Variants in RSPO2 observed in about 807,000 individuals in gnomAD.
RSPO2 encodes R-spondin 2.
Under a neutral mutation model 30.9 loss-of-function variants are expected in RSPO2, and 14 were observed. That is an observed-to-expected ratio of 0.45 (90% CI 0.30 to 0.71). The LOEUF is 0.71. RSPO2 is among the 30% of genes least tolerant of loss of function. The pLI is 0.08. For synonymous variants in RSPO2, 107 were observed against 96.4 expected (o/e 1.11, Z -0.64); for missense variants, 264 against 301.9 (o/e 0.87, Z 0.93).
At chr8:107,977,253 A>T (rs1814248681) in intron 3 of RSPO2, among the ~76,000 whole-genome samples, 1 of 152,230 alleles carries the variant, frequency 6.6e-6, no homozygotes, top group Non-Finnish European at 1.5e-5. Flanking sequence ...ATAACTAGTG[A>T]CATAATTATT....
At chr8:108,068,202 T>G (rs1812731598) in intron 2 of RSPO2, among the ~76,000 whole-genome samples, 1 of 152,188 alleles carries the variant, frequency 6.6e-6, no homozygotes, top group Non-Finnish European at 1.5e-5. Context: ...AATAAAGAGG[T>G]GACTCTGAGT....
rs1337639104 is a variant in RSPO2, at chr8:107,901,128, T to C, written c.679A>G (p.Arg227Gly). Residue 227 changes from arginine (R) to glycine (G), a missense_variant, in exon 6 of 6, where the codon AGG becomes GGG. Physicochemically the swap from Arg to Gly is moderately radical, Grantham distance 125 (BLOSUM62 -2). Transcript: ENST00000276659. ...NKKKKRKLIE[R>G]AQEQHSVFLA... Reference sequence around the variant, plus strand: ...AAGACGCTGTGTTGCTCCTGGGCCCTTTCTATCAGCTTCCTTTTCTTTTTC... The same window carrying C: ...AAGACGCTGTGTTGCTCCTGGGCCCCTTCTATCAGCTTCCTTTTCTTTTTC... 1.5e-5 allele frequency: 25 copies of C among 1,614,028 alleles called. No individual in the cohort carries two copies. The highest frequency in any genetic ancestry group is 2.0e-5 in the Non-Finnish European group (24 of 1,179,996).
intron 2 of RSPO2, among the ~76,000 whole-genome samples, chr8:108,006,723 T>C (rs1456973070): frequency 6.6e-6 from 1 of 152,174 alleles, no homozygotes; most frequent in East Asian, 1.9e-4. Context: ...GACACCGGGA[T>C]TGTAAACACT....
chr8:107,905,706 A>AACATGAAATGCTCCT (rs1266794881), intron 5 of RSPO2, among the ~76,000 whole-genome samples: 2 of 152,014 alleles, frequency 1.3e-5, no homozygotes, highest in African/African-American at 4.8e-5. Flanking sequence ...CTGGAAGCAG[A>AACATGAAATGCTCCT]ACATGAAATG....
chr8:108,049,402 ATTACT>A (rs936264827), intron 2 of RSPO2, among the ~76,000 whole-genome samples: 1 of 151,710 alleles, frequency 6.6e-6, no homozygotes, highest in Non-Finnish European at 1.5e-5. Flanking sequence ...TTAAAAAAAA[ATTACT>A]TTAGATTCTG....
chr8:107,975,038 A>G (rs546356104), intron 3 of RSPO2, among the ~76,000 whole-genome samples: 1 of 152,360 alleles, frequency 6.6e-6, no homozygotes, highest in South Asian at 2.1e-4. Flanking sequence ...TTCCTATTAA[A>G]TAAAAGAACC....
chr8:107,909,697 C>T (rs1171015003), intron 5 of RSPO2, among the ~76,000 whole-genome samples: 2 of 152,178 alleles, frequency 1.3e-5, no homozygotes, highest in Non-Finnish European at 2.9e-5. Flanking sequence ...AACTCTGAAA[C>T]CCTGTATGAA....
intron 2 of RSPO2, among the ~76,000 whole-genome samples, chr8:108,009,125 A>T (rs547056983): frequency 1.5e-4 from 23 of 152,286 alleles, no homozygotes; most frequent in African/African-American, 5.1e-4. Context: ...AGCATTCAGG[A>T]AATTAACATC....
intron 2 of RSPO2, among the ~76,000 whole-genome samples, chr8:108,076,848 C>T (rs1469114784): frequency 6.6e-6 from 1 of 152,068 alleles, no homozygotes; most frequent in Non-Finnish European, 1.5e-5. Flanking sequence ...GGGTAAAATT[C>T]CCCAAGGAAA....
intron 2 of RSPO2, among the ~76,000 whole-genome samples, chr8:108,058,666 C>T (rs1170964366): frequency 2.0e-5 from 3 of 151,812 alleles, no homozygotes; most frequent in Admixed American, 1.3e-4. Context: ...ATCAATGGAA[C>T]AGAACAGAGC....
chr8:108,059,424 C>T (rs1812373677), intron 2 of RSPO2, among the ~76,000 whole-genome samples: 1 of 151,544 alleles, frequency 6.6e-6, no homozygotes, highest in African/African-American at 2.4e-5. Flanking sequence ...CTAGTTCAAC[C>T]ATTGTGGAAG....
intron 2 of RSPO2, among the ~76,000 whole-genome samples, chr8:108,027,575 T>A (rs1246721251): frequency 4.0e-5 from 6 of 150,476 alleles, no homozygotes; most frequent in Admixed American, 2.0e-4. Context: ...GTATTTATAT[T>A]TTTTTTAAAA....
At chr8:107,917,606 T>TA (rs1812021406) in intron 5 of RSPO2, among the ~76,000 whole-genome samples, 1 of 152,200 alleles carries the variant, frequency 6.6e-6, no homozygotes. Flanking sequence ...GCCTAACTAA[T>TA]CCTTTAGACA....
chr8:108,080,603 G>T (rs954878613), intron 2 of RSPO2, among the ~76,000 whole-genome samples: 1 of 152,202 alleles, frequency 6.6e-6, no homozygotes, highest in African/African-American at 2.4e-5. Flanking sequence ...AAGGCATGCA[G>T]TATCCCTTCT....
At chr8:107,906,795 A>T (rs1811662746) in intron 5 of RSPO2, among the ~76,000 whole-genome samples, 1 of 151,984 alleles carries the variant, frequency 6.6e-6, no homozygotes, top group Admixed American at 6.6e-5. Context: ...TTAGTTGACA[A>T]ATAAAAATTG....
intron 5 of RSPO2, among the ~76,000 whole-genome samples, chr8:107,935,535 T>A (rs941475285): frequency 6.6e-6 from 1 of 151,846 alleles, no homozygotes; most frequent in African/African-American, 2.4e-5. Flanking sequence ...ATAGGAAGAA[T>A]AAGAAGACAC....
intron 2 of RSPO2, among the ~76,000 whole-genome samples, chr8:108,034,068 T>C (rs902474517): frequency 2.6e-5 from 4 of 152,198 alleles, no homozygotes; most frequent in African/African-American, 9.7e-5. Flanking sequence ...TGGTTTACAT[T>C]GTTTAAAAAG....
chr8:108,036,445 A>G (rs1372758919), intron 2 of RSPO2, among the ~76,000 whole-genome samples: 2 of 152,120 alleles, frequency 1.3e-5, no homozygotes, highest in African/African-American at 4.8e-5. Context: ...CACCTATGAC[A>G]ACCATTTCTG....
At position 107,983,639 on chromosome 8, in the gene RSPO2, T is replaced by C. The variant is rs151015366; in HGVS notation, c.283+5417A>G. The C allele has an allele frequency of 5.0e-4, 801 of 1,596,394 alleles. 12 individuals are homozygous for C. The East Asian group carries it at 0.017, about 33-fold the overall frequency. On this transcript the variant is annotated intron_variant, in intron 3 of 5. Transcript: ENST00000276659. ...ATTATAGAGGAGCAGGCAACCAAAA[T>C]TGCAGATTTGAAGAGGCATGTGGAA...
Sources: gnomAD v4.1 joint callset for allele counts (sites outside exome capture counted in the v4.1 genomes callset) on GRCh38, gnomAD v4.1.1 for gene constraint, MANE v1.5 for transcripts, NCBI Gene and HGNC (gene_info 2026-07-23, HGNC 2026-07-21) for gene names.